Variants in ZNF277 observed in about 807,000 individuals in gnomAD.
The protein encoded by ZNF277 is zinc finger protein 277.
A neutral mutation model predicts 60.7 loss-of-function variants in ZNF277; 55 were observed. The observed-to-expected ratio is 0.91, with a 90% CI of 0.73 to 1.13. ZNF277 has a LOEUF of 1.13. Ranked by LOEUF, ZNF277 falls within the 50% of genes most tolerant of loss-of-function variation. The probability of loss-of-function intolerance (pLI) is 0.00; values close to 1 mark genes in which losing one functional copy is unlikely to be tolerated. For missense variants in ZNF277, 510 were observed against 523.0 expected (o/e 0.98, Z 0.24); for synonymous variants, 178 against 179.3 (o/e 0.99, Z 0.06).
intron 2 of ZNF277, among the ~76,000 whole-genome samples, chr7:112,293,664 A>C (rs567279511): frequency 6.6e-6 from 1 of 152,134 alleles, no homozygotes; most frequent in African/African-American, 2.4e-5. Context: ...TCTGTTCCAC[A>C]TGGTTTCACA....
At chr7:112,273,754 T>TA (rs574230460) in intron 1 of ZNF277, among the ~76,000 whole-genome samples, 25 of 151,180 alleles carry the variant, frequency 1.7e-4, no homozygotes, top group African/African-American at 4.1e-4. Flanking sequence ...AGACTCCGTC[T>TA]AAAAAAAAAT....
intron 5 of ZNF277, among the ~76,000 whole-genome samples, chr7:112,324,014 C>T (rs1184292560): frequency 6.6e-6 from 1 of 152,040 alleles, no homozygotes; most frequent in Non-Finnish European, 1.5e-5. Flanking sequence ...TTCATTTCAG[C>T]CCAAAAGGTA....
At chr7:112,337,595 G>A in intron 8 of ZNF277, 135 bp from the exon 9 acceptor site, 1 of 607,000 alleles carries the variant, frequency 1.6e-6, no homozygotes, top group Non-Finnish European at 2.8e-6. Context: ...TGATGTGACA[G>A]TCTTTACCAA....
At chr7:112,270,032 C>T (rs778484715) in intron 1 of ZNF277, among the ~76,000 whole-genome samples, 36 of 151,968 alleles carry the variant, frequency 2.4e-4, no homozygotes, top group Admixed American at 5.9e-4. Flanking sequence ...ACTTTGTAAC[C>T]AGAGCAATCC....
intron 2 of ZNF277, 103 bp from the exon 3 acceptor site, chr7:112,295,765 AT>A: frequency 1.2e-6 from 1 of 863,624 alleles, no homozygotes. Flanking sequence ...TTAACATTTG[AT>A]TTGTTGCTTT....
At chr7:112,307,634 C>A (rs1419978448) in intron 4 of ZNF277, among the ~76,000 whole-genome samples, 1 of 151,714 alleles carries the variant, frequency 6.6e-6, no homozygotes, top group Non-Finnish European at 1.5e-5. Context: ...AGGCTGGTCT[C>A]CAACTCCTGA....
chr7:112,274,655 A>C (rs1256535868), intron 1 of ZNF277, among the ~76,000 whole-genome samples: 1 of 152,208 alleles, frequency 6.6e-6, no homozygotes, highest in African/African-American at 2.4e-5. Context: ...TTCTATGTAA[A>C]ACATTAATTA....
chr7:112,261,423 A>G (rs948571417), intron 1 of ZNF277, among the ~76,000 whole-genome samples: 2 of 152,124 alleles, frequency 1.3e-5, no homozygotes, highest in Non-Finnish European at 2.9e-5. Context: ...GCCTAGCTCT[A>G]TCTACTTTCT....
At chr7:112,226,124 C>A (rs1822168769) in intron 1 of ZNF277, among the ~76,000 whole-genome samples, 1 of 152,072 alleles carries the variant, frequency 6.6e-6, no homozygotes, top group Admixed American at 6.6e-5. Flanking sequence ...GAGTTATCTC[C>A]CCCTTATTTA....
chr7:112,224,077 C>T (rs983593665), intron 1 of ZNF277, among the ~76,000 whole-genome samples: 3 of 152,118 alleles, frequency 2.0e-5, no homozygotes, highest in African/African-American at 4.8e-5. Context: ...ATTAGACAGG[C>T]ATCAGTTAGA....
At position 112,286,949 on chromosome 7, in the gene ZNF277, A is replaced by G. The variant is rs1226122170; in HGVS notation, c.168A>G (p.Pro56=). 3.7e-6 allele frequency: 6 copies of G among 1,609,788 alleles called. No homozygotes were observed. Among genetic ancestry groups the G allele is most frequent in the East Asian group, 2.2e-5 (1 of 44,730 alleles). Residue 56 remains proline, a synonymous_variant, in exon 2 of 12, where the codon CCA becomes CCG. Coordinates refer to ENST00000361822, the MANE Select transcript of ZNF277 (RefSeq NM_021994.3). ...GCACCACCACTTTAGAAGGTTCTCC[A>G]TCTGTGCCTTGTATTTTCTGTGAAG... ...PGGTTTLEGS[P]SVPCIFCEEH... is the part of the protein sequence containing the mutation.
intron 4 of ZNF277, among the ~76,000 whole-genome samples, chr7:112,316,844 C>A (rs955368737): frequency 1.1e-4 from 17 of 152,074 alleles, no homozygotes; most frequent in African/African-American, 4.1e-4. Context: ...TATAAAGACA[C>A]ATGCACACAT....
chr7:112,284,820 A>T (rs1792025373), intron 1 of ZNF277, among the ~76,000 whole-genome samples: 2 of 152,158 alleles, frequency 1.3e-5, no homozygotes, highest in South Asian at 4.1e-4. Context: ...TCTCCAGCTC[A>T]GTTAAGTGAC....
At chr7:112,232,528 A>G (rs141170601) in intron 1 of ZNF277, among the ~76,000 whole-genome samples, 1 of 152,344 alleles carries the variant, frequency 6.6e-6, no homozygotes, top group African/African-American at 2.4e-5. Flanking sequence ...ATACCCAAAC[A>G]ATAACACACA....
chr7:112,339,961 A>C, intron 10 of ZNF277, 76 bp downstream of exon 10: 1 of 1,365,070 alleles, frequency 7.3e-7, no homozygotes, highest in South Asian at 1.2e-5. Context: ...GCCTATGTTC[A>C]GTAGCTATGA....
At chr7:112,274,693 A>G (rs558252989) in intron 1 of ZNF277, among the ~76,000 whole-genome samples, 1 of 152,324 alleles carries the variant, frequency 6.6e-6, no homozygotes, top group African/African-American at 2.4e-5. Context: ...TAGGTGATTT[A>G]CAATTTTCTA....
intron 11 of ZNF277, among the ~76,000 whole-genome samples, chr7:112,342,204 A>G (rs1793457396): frequency 6.6e-6 from 1 of 152,070 alleles, no homozygotes; most frequent in African/African-American, 2.4e-5. Context: ...GTATCAAACA[A>G]CTAGATCTAC....
At chr7:112,206,914 A>G (rs1351295927) in intron 1 of ZNF277, 107 bp downstream of exon 1, 1 of 1,129,258 alleles carries the variant, frequency 8.9e-7, no homozygotes, top group Non-Finnish European at 1.2e-6. Flanking sequence ...CTCTGGGGCC[A>G]CCTGGGTTCG....
At chr7:112,310,033 G>A (rs1792685941) in intron 4 of ZNF277, among the ~76,000 whole-genome samples, 1 of 152,064 alleles carries the variant, frequency 6.6e-6, no homozygotes, top group Non-Finnish European at 1.5e-5. Context: ...TACCAAGAAA[G>A]TTTACTGGAG....
Sources: gnomAD v4.1 joint callset for allele counts (sites outside exome capture counted in the v4.1 genomes callset) on GRCh38, gnomAD v4.1.1 for gene constraint, MANE v1.5 for transcripts, NCBI Gene and HGNC (gene_info 2026-07-23, HGNC 2026-07-21) for gene names.